The following TPR variants were observed in gnomAD, a reference collection of about 807,000 sequenced individuals.
TPR encodes the protein translocated promoter region, nuclear basket protein.
In TPR, 51 loss-of-function variants were observed where a neutral mutation model predicts 316.1. The observed-to-expected ratio is 0.16, with a 90% confidence interval of 0.13 to 0.20. The LOEUF (loss-of-function observed/expected upper bound fraction) is 0.20, where lower values mean the gene tolerates loss of function less well. Ranked by LOEUF, TPR falls within the 10% of genes least tolerant of loss-of-function variation. The pLI, the probability that TPR is intolerant of heterozygous loss-of-function variation, is 1.00. For missense variants in TPR, 2,272 were observed against 2,754.8 expected (o/e 0.82, Z 3.92); for synonymous variants, 981 against 914.7 (o/e 1.07, Z -1.31).
At chr1:186,364,814 C>T (rs1159605394) in intron 4 of TPR, among the ~76,000 whole-genome samples, 1 of 152,112 alleles carries the variant, frequency 6.6e-6, no homozygotes, top group East Asian at 1.9e-4. Flanking sequence ...AACAATGCCA[C>T]AAAAGATATT....
At chr1:186,322,730 G>A in intron 43 of TPR, 144 bp from the exon 44 acceptor site, 1 of 756,616 alleles carries the variant, frequency 1.3e-6, no homozygotes, top group Admixed American at 2.7e-5. Context: ...AGGAAAACCT[G>A]CCAAGAAATC....
At position 186,355,467 on chromosome 1, in the gene TPR, G is replaced by A. The variant is rs1169077630; in HGVS notation, c.2114C>T (p.Thr705Ile). ...TTTGGTATTTTGTGATCGCAAATCT[G>A]TAACTTGTTCTTGAAGTTTCTCAAG... ...EQLEKLQEQV[T>I]DLRSQNTKIS... Residue 705 changes from threonine to isoleucine, a missense_variant, in exon 17 of 51, where the codon ACA becomes ATA. Thr to Ile is a moderately conservative substitution (Grantham distance 89). This residue lies in a region of TPR where 757 missense variants were observed against 859.8 expected (regional missense o/e 0.88). Coordinates refer to ENST00000367478, the MANE Select transcript of TPR (RefSeq NM_003292.3). 6 of 1,612,848 alleles carry A rather than the reference G, an allele frequency of 3.7e-6. No homozygotes were observed. In the South Asian group the frequency reaches 5.5e-5, roughly 15 times the overall value.
intron 3 of TPR, among the ~76,000 whole-genome samples, chr1:186,370,432 G>T (rs1659485836): frequency 6.6e-6 from 1 of 151,928 alleles, no homozygotes; most frequent in Non-Finnish European, 1.5e-5. Context: ...AGCCTTTCTA[G>T]GTATACTACG....
chr1:186,346,481 C>T (rs1348784928), intron 22 of TPR, among the ~76,000 whole-genome samples, 194 bp from the exon 23 acceptor site: 2 of 152,052 alleles, frequency 1.3e-5, no homozygotes, highest in East Asian at 3.8e-4. Flanking sequence ...AAGCATTTAC[C>T]ATTCATCTTG....
chr1:186,334,261 A>G, intron 36 of TPR, 64 bp downstream of exon 36: 1 of 1,428,334 alleles, frequency 7.0e-7, no homozygotes, highest in Non-Finnish European at 9.5e-7. Context: ...CTTTGAAATT[A>G]CTGTCATCTT....
rs771938326 is a variant in TPR at position 186,344,082 on chromosome 1, A to G, written c.3426T>C (p.Val1142=). Reference sequence around the variant, plus strand: ...CTTCACAGCGACATACACATTTGGAAACTTCATCCTGCAAGCCAAGAGTCT... The same window carrying G: ...CTTCACAGCGACATACACATTTGGAGACTTCATCCTGCAAGCCAAGAGTCT... ...EERERMLKDE[V]SKCVCRCEDL... The change falls in exon 26 of 51, where the codon GTT becomes GTC. Residue 1142 remains valine, a synonymous_variant. Transcript: ENST00000367478. 1.2e-6 allele frequency: 2 copies of G among 1,612,710 alleles called. No homozygotes were observed. Among genetic ancestry groups the G allele is most frequent in the Admixed American group, 3.4e-5 (2 of 59,696 alleles).
chr1:186,314,226 G>A, intron 50 of TPR, 200 bp from the exon 51 acceptor site: 38 of 487,348 alleles, frequency 7.8e-5, no homozygotes, highest in Middle Eastern at 5.6e-4. Flanking sequence ...AAGTTATATT[G>A]GAAAACATGG....
At chr1:186,318,948 T>C (rs1553226917) in intron 46 of TPR, 120 bp from the exon 47 acceptor site, 6 of 903,136 alleles carry the variant, frequency 6.6e-6, no homozygotes, top group Non-Finnish European at 1.0e-5. Flanking sequence ...AAGTCCACGA[T>C]TTAATTATTC....
chr1:186,374,553 C>A (rs755202311), intron 1 of TPR, among the ~76,000 whole-genome samples: 1 of 152,108 alleles, frequency 6.6e-6, no homozygotes, highest in African/African-American at 2.4e-5. Flanking sequence ...TGCAACAAAA[C>A]ATATAAGGTA....
intron 35 of TPR, 110 bp downstream of exon 35, chr1:186,334,956 GTA>G: frequency 9.3e-7 from 1 of 1,075,704 alleles, no homozygotes; most frequent in Non-Finnish European, 1.3e-6. Flanking sequence ...ACTCTTTAGT[GTA>G]TGTTTTTACA....
At position 186,359,867 on chromosome 1, in the gene TPR, G is replaced by A. The variant is rs1264994065; in HGVS notation, c.1321C>T (p.Arg441Cys). The A allele has an allele frequency of 1.9e-6, 3 of 1,604,306 alleles. No individual in the cohort carries two copies. Among genetic ancestry groups the A allele is most frequent in the African/African-American group, 2.7e-5 (2 of 74,076 alleles). The change falls in exon 12 of 51, where the codon CGT (arginine) becomes TGT (cysteine). Residue 441 changes from arginine (R) to cysteine (C), a missense_variant. Arg to Cys is a radical substitution (Grantham distance 180, BLOSUM62 -3). Coordinates refer to ENST00000367478, the MANE Select transcript of TPR (RefSeq NM_003292.3). ...EAKAPILKRQ[R>C]EEYERAQKAV... ...TTCTGTGCACGTTCATATTCCTCAC[G>A]CTGGCGTTTCAAAATTGGTGCTTTG...
At chr1:186,340,996 C>T (rs41302135) in intron 29 of TPR, 32 bp downstream of exon 29, 38,976 of 1,592,954 alleles carry the variant, frequency 0.024, 586 homozygotes, top group Non-Finnish European at 0.028. Context: ...ACACGTGTTT[C>T]CATGTTTTGG....
At chr1:186,323,042 T>G (rs1233769021) in intron 43 of TPR, among the ~76,000 whole-genome samples, 1 of 152,188 alleles carries the variant, frequency 6.6e-6, no homozygotes, top group Non-Finnish European at 1.5e-5. Context: ...TTTCCCATCA[T>G]GAAGTTATTT....
intron 24 of TPR, 45 bp from the exon 25 acceptor site, chr1:186,344,623 A>G (rs755267501): frequency 1.3e-5 from 18 of 1,418,514 alleles, no homozygotes; most frequent in Non-Finnish European, 1.7e-5. Context: ...TTAAAAATCC[A>G]TAAAACTAGT....
intron 31 of TPR, 128 bp downstream of exon 31, chr1:186,337,901 TTAAA>T (rs1658387840): frequency 2.6e-6 from 2 of 784,140 alleles, no homozygotes; most frequent in East Asian, 5.8e-5. Flanking sequence ...AGAACTAATC[TTAAA>T]TAAAGATATC....
intron 3 of TPR, among the ~76,000 whole-genome samples, chr1:186,369,435 A>G (rs1659453415): frequency 6.6e-6 from 1 of 151,982 alleles, no homozygotes; most frequent in Non-Finnish European, 1.5e-5. Flanking sequence ...CGTCAATGTT[A>G]TATTATTTTC....
chr1:186,344,337 A>C, intron 25 of TPR, 38 bp downstream of exon 25: 1 of 1,588,842 alleles, frequency 6.3e-7, no homozygotes, highest in Non-Finnish European at 8.6e-7. Context: ...CAACTCTTTC[A>C]ATTCAACAGA....
chr1:186,341,331 T>A lies in TPR; in HGVS notation c.3809A>T (p.Asn1270Ile). ...CATTTTATTGGTCTCCATAACTACA[T>A]TCATTGTTTCAGTTTTCTTCATCAG... is the stretch of plus-strand genomic sequence containing the variant. ...EELMKKTETM[N>I]VVMETNKMLR... Residue 1270 changes from asparagine (N) to isoleucine (I), a missense_variant, in exon 28 of 51, where the codon AAT (asparagine) becomes ATT (isoleucine). Coordinates refer to ENST00000367478, the MANE Select transcript of TPR (RefSeq NM_003292.3). The A allele has an allele frequency of 6.2e-7, 1 of 1,613,936 alleles. No homozygotes were observed. The highest frequency in any genetic ancestry group is 8.5e-7 in the Non-Finnish European group (1 of 1,180,006).
At chr1:186,343,822 A>G in intron 26 of TPR, 84 bp downstream of exon 26, 1 of 1,195,370 alleles carries the variant, frequency 8.4e-7, no homozygotes, top group South Asian at 1.6e-5. Flanking sequence ...AATCGTGTAT[A>G]ATCTCCTTCT....
Sources: allele counts gnomAD v4.1 joint callset (sites outside exome capture counted in the v4.1 genomes callset), GRCh38; gene constraint gnomAD v4.1.1; regional missense constraint gnomAD v4.1.1; transcripts MANE v1.5; gene names NCBI Gene and HGNC (gene_info 2026-07-23, HGNC 2026-07-21).